The following RP1 variants were observed in gnomAD, a reference collection of about 807,000 sequenced individuals.
The protein encoded by RP1 is oxygen-regulated protein 1.
A neutral mutation model predicts 14.8 loss-of-function variants in RP1; 16 were observed. That is an observed-to-expected ratio of 1.08 (90% CI 0.73 to 1.65). The LOEUF is 1.65. Among genes scored for constraint, RP1 ranks in the 40% most tolerant of loss-of-function variants. The pLI is 0.00. For synonymous variants in RP1, 876 were observed against 883.6 expected (o/e 0.99, Z 0.15); for missense variants, 2,631 against 2,535.0 (o/e 1.04, Z -0.81).
At chr8:54,697,180 TC>T (rs1409045793) in intron 12 of RP1, 9 of 774,262 alleles carry the variant, frequency 1.2e-5, no homozygotes. Flanking sequence ...AGCATGTGTT[TC>T]CTTTTTTTGG....
At chr8:54,793,011 C>T (rs549321892) in intron 24 of RP1, among the ~76,000 whole-genome samples, 1 of 151,850 alleles carries the variant, frequency 6.6e-6, no homozygotes, top group South Asian at 2.1e-4. Context: ...GACATTACAA[C>T]TCATACCACA....
intron 24 of RP1, among the ~76,000 whole-genome samples, chr8:54,831,028 TC>T (rs1343052686): frequency 6.6e-6 from 1 of 152,118 alleles, no homozygotes; most frequent in African/African-American, 2.4e-5. Flanking sequence ...GAAGCATACA[TC>T]CGTACTTCAC....
intron 25 of RP1, among the ~76,000 whole-genome samples, chr8:54,840,537 T>C (rs1405702061): frequency 6.6e-6 from 1 of 150,914 alleles, no homozygotes; most frequent in African/African-American, 2.4e-5. Context: ...TAAAGTCTGT[T>C]ATACAACTCT....
rs116107585 is a variant in RP1, at chr8:54,857,111, G to A, written c.4069+5G>A. 5,371 of 1,204,578 alleles carry A rather than the reference G, an allele frequency of 4.5e-3. 192 individuals carry two copies. In the African/African-American group the frequency reaches 0.075, roughly 17 times the overall value. The allele number at this position is 1,204,578 out of a possible 1,614,324, so 74.6% of individuals were successfully genotyped here. On this transcript the variant is annotated splice_donor_5th_base_variant and intron_variant, in intron 27 of 28. Transcript: ENST00000637698. ...GTCATGATGGAACAGGTCCAGGTAA[G>A]ATTTAGTTTCTTGGTAAGAAGTTTA...
Position 54,601,732 on chromosome 8 carries a change from A to C in RP1, c.-12-19223A>C, listed in dbSNP as rs563130533. 1.4e-4 allele frequency among the ~76,000 whole-genome samples: 22 copies of C among 152,326 alleles called. No individual in the cohort carries two copies. In the South Asian group the frequency reaches 4.4e-3, roughly 30 times the overall value. ...AATGGTGAATGAATAAATAAAATACAATAAAATATTTGAAAATAATAAGGA... is the reference window on the plus strand; with the variant it reads ...AATGGTGAATGAATAAATAAAATACCATAAAATATTTGAAAATAATAAGGA... On this transcript the variant is annotated intron_variant, in intron 1 of 22. Transcript: ENST00000636932.
chr8:54,859,560 GGTGTCACTGTAGGGTA>G (rs1384256997), intron 27 of RP1, among the ~76,000 whole-genome samples: 2 of 150,456 alleles, frequency 1.3e-5, no homozygotes, highest in Non-Finnish European at 3.0e-5. Flanking sequence ...CACTGTAGGT[GGTGTCACTGTAGGGTA>G]GTGTCACTGT....
intron 1 of RP1, among the ~76,000 whole-genome samples, chr8:54,591,464 T>G (rs1022787896): frequency 6.6e-6 from 1 of 152,062 alleles, no homozygotes; most frequent in East Asian, 1.9e-4. Flanking sequence ...TTTAAATTAG[T>G]TTTACCTTAA....
intron 1 of RP1, among the ~76,000 whole-genome samples, chr8:54,576,487 C>T (rs1256851681): frequency 6.6e-6 from 1 of 152,218 alleles, no homozygotes; most frequent in African/African-American, 2.4e-5. Context: ...TATCGAGCCT[C>T]TTCTCATGCT....
At position 54,627,670 on chromosome 8, in the gene RP1, C is replaced by T. The variant is rs781628699; in HGVS notation, c.3788C>T (p.Thr1263Ile). Residue 1263 changes from threonine (T) to isoleucine (I), a missense_variant, in exon 4 of 4, where the codon ACT (threonine) becomes ATT (isoleucine). Thr to Ile is a moderately conservative substitution (Grantham distance 89). Coordinates refer to ENST00000220676, the MANE Select transcript of RP1 (RefSeq NM_006269.2). Reference sequence around the variant, plus strand: ...ACTTGCTCTCCATGTGAGATGTGCACTGTAAATAAGGCTTATTCTCCAAAA... The same window carrying T: ...ACTTGCTCTCCATGTGAGATGTGCATTGTAAATAAGGCTTATTCTCCAAAA... ...EVTCSPCEMC[T>I]VNKAYSPKET... The T allele has an allele frequency of 3.9e-5, 63 of 1,614,086 alleles. No individual in the cohort carries two copies. The highest frequency in any genetic ancestry group is 5.3e-5 in the Non-Finnish European group (62 of 1,180,010).
intron 24 of RP1, among the ~76,000 whole-genome samples, chr8:54,827,065 A>G (rs1811400209): frequency 6.6e-6 from 1 of 152,224 alleles, no homozygotes; most frequent in Admixed American, 6.5e-5. Flanking sequence ...TGTACAGGGC[A>G]CTTACCATAA....
chr8:54,763,207 T>C (rs1345768043), intron 22 of RP1, among the ~76,000 whole-genome samples: 1 of 152,240 alleles, frequency 6.6e-6, no homozygotes, highest in Non-Finnish European at 1.5e-5. Context: ...TTGACTTTAA[T>C]GTGAAATTAT....
At chr8:54,703,290 T>C (rs1808069712) in intron 14 of RP1, among the ~76,000 whole-genome samples, 1 of 152,228 alleles carries the variant, frequency 6.6e-6, no homozygotes, top group South Asian at 2.1e-4. Context: ...TCTTGATCCA[T>C]AGGCTACAGA....
intron 1 of RP1, among the ~76,000 whole-genome samples, chr8:54,619,795 C>T (rs1284374576): frequency 6.6e-6 from 1 of 152,214 alleles, no homozygotes. Context: ...GATTTGCCTG[C>T]ATTTTCTCTA....
At position 54,565,938 on chromosome 8, in the gene RP1, G is replaced by C. The variant is rs950890227; in HGVS notation, c.-13+6618G>C. Among the ~76,000 whole-genome samples the C allele has an allele frequency of 3.3e-5, 5 of 152,118 alleles. 1 individual carries two copies. Among genetic ancestry groups the C allele is most frequent in the Non-Finnish European group, 7.4e-5 (5 of 68,022 alleles). On this transcript the variant is annotated intron_variant, in intron 1 of 22. Transcript: ENST00000636932. Reference sequence around the variant, plus strand: ...GTCCAGTCTTCTCCCCAGCTCTGCGGGTGTGCTGGCCATCTTTGACATTCC... The same window carrying C: ...GTCCAGTCTTCTCCCCAGCTCTGCGCGTGTGCTGGCCATCTTTGACATTCC...
chr8:54,562,091 C>G (rs890689604), intron 1 of RP1, among the ~76,000 whole-genome samples: 1 of 152,108 alleles, frequency 6.6e-6, no homozygotes, highest in Non-Finnish European at 1.5e-5. Context: ...ATATGAGATC[C>G]TGACAGTTAA....
chr8:54,585,628 G>A (rs1472293149), intron 1 of RP1, among the ~76,000 whole-genome samples: 2 of 152,206 alleles, frequency 1.3e-5, no homozygotes, highest in Non-Finnish European at 2.9e-5. Flanking sequence ...TCACTTTCGG[G>A]TACACCAATA....
chr8:54,697,423 C>T (rs765940493), intron 12 of RP1, among the ~76,000 whole-genome samples: 3 of 152,012 alleles, frequency 2.0e-5, no homozygotes, highest in Admixed American at 6.6e-5. Flanking sequence ...GGCATGGTGG[C>T]GCATGCCTGT....
At chr8:54,649,233 G>A in intron 4 of RP1, 1 of 1,026,544 alleles carries the variant, frequency 9.7e-7, no homozygotes, top group Non-Finnish European at 1.3e-6. Flanking sequence ...TATCCCTTTA[G>A]TAACACCATG....
chr8:54,668,734 C>T (rs946672168), intron 7 of RP1, among the ~76,000 whole-genome samples: 1 of 152,136 alleles, frequency 6.6e-6, no homozygotes. Flanking sequence ...CATCTACAAC[C>T]ATCTGATCTT....
Sources: allele counts gnomAD v4.1 joint callset (sites outside exome capture counted in the v4.1 genomes callset), GRCh38; gene constraint gnomAD v4.1.1; transcripts MANE v1.5; gene names NCBI Gene and HGNC (gene_info 2026-07-23, HGNC 2026-07-21).